CBR4: variants seen among roughly 807,000 people sequenced by gnomAD.
The protein encoded by CBR4 is 3-oxoacyl-[acyl-carrier-protein] reductase.
A neutral mutation model predicts 21.0 loss-of-function variants in CBR4; 22 were observed. The observed-to-expected ratio is 1.05, with a 90% CI of 0.75 to 1.50. The LOEUF is 1.50. CBR4 is among the 40% of genes most tolerant of loss of function. The pLI is 0.00. For synonymous variants in CBR4, 100 were observed against 104.4 expected, an observed-to-expected ratio of 0.96 and a Z score of 0.26; for missense variants, 302 against 286.3, an observed-to-expected ratio of 1.05 and a Z score of -0.40.
At position 169,007,753 on chromosome 4, in the gene CBR4, T is replaced by C. The variant is rs1419740036; in HGVS notation, c.146A>G (p.Asp49Gly). The C allele has an allele frequency of 1.3e-6, 2 of 1,573,528 alleles. No individual in the cohort carries two copies. Among genetic ancestry groups the C allele is most frequent in the African/African-American group, 1.4e-5 (1 of 73,096 alleles). Residue 49 changes from aspartate to glycine, a missense_variant, in exon 2 of 5, where the codon GAT (aspartate) becomes GGT (glycine). Transcript: ENST00000306193. ...AACATCACAGCTAAATGCCAAATGA[T>C]CTCCTACACAACAAAGTTAAATAAG... Reference protein sequence around the residue: ...AKAAAGDLGGDHLAFSCDVAK... With the variant: ...AKAAAGDLGGGHLAFSCDVAK...
chr4:168,919,939 A>T (rs538414985), intron 2 of CBR4, among the ~76,000 whole-genome samples: 7 of 152,122 alleles, frequency 4.6e-5, no homozygotes, highest in Non-Finnish European at 1.0e-4. Flanking sequence ...GTAACTATCC[A>T]CTGGGTAGGT....
At chr4:168,962,237 C>T (rs10518034) in intron 2 of CBR4, among the ~76,000 whole-genome samples, 23,175 of 151,686 alleles carry the variant, frequency 0.15, 1,942 homozygotes, top group African/African-American at 0.22. Flanking sequence ...TTCTTGAAAG[C>T]GAAATATTTT....
chr4:168,968,386 C>T (rs773521169), intron 2 of CBR4, among the ~76,000 whole-genome samples: 17 of 152,180 alleles, frequency 1.1e-4, no homozygotes, highest in Non-Finnish European at 2.5e-4. Context: ...ATCAAGGTCC[C>T]TTTGGACTAT....
intron 2 of CBR4, among the ~76,000 whole-genome samples, chr4:168,909,231 A>G (rs942817677): frequency 3.9e-5 from 6 of 152,176 alleles, no homozygotes; most frequent in Non-Finnish European, 7.4e-5. Flanking sequence ...TTTGTATTGC[A>G]CTTGGATTTT....
intron 2 of CBR4, among the ~76,000 whole-genome samples, chr4:168,918,292 G>A (rs1246484814): frequency 6.6e-6 from 1 of 150,688 alleles, no homozygotes; most frequent in Admixed American, 6.6e-5. Context: ...ATCAGCCTAA[G>A]TGTCAACAGA....
At chr4:168,978,143 C>G (rs896858536) in intron 2 of CBR4, among the ~76,000 whole-genome samples, 4 of 152,196 alleles carry the variant, frequency 2.6e-5, no homozygotes, top group Non-Finnish European at 5.9e-5. Flanking sequence ...TACCCATGTT[C>G]TCCTCCTCTG....
intron 4 of CBR4, among the ~76,000 whole-genome samples, chr4:168,991,387 G>T (rs1764915756): frequency 6.6e-6 from 1 of 152,196 alleles, no homozygotes; most frequent in African/African-American, 2.4e-5. Flanking sequence ...GTAGAAAGTA[G>T]TGTCAAGGGA....
At chr4:169,002,240 G>A (rs575505080) in intron 3 of CBR4, 35 bp from the exon 4 acceptor site, 40 of 1,256,904 alleles carry the variant, frequency 3.2e-5, no homozygotes, top group Middle Eastern at 6.1e-4. Context: ...AAAAAAAAGC[G>A]TATTAAATTC....
Position 168,894,735 on chromosome 4 carries a change from T to C in CBR4, n.200A>G. ...ATTTATTCTGTCCCCCTTTTCCATC[T>C]TCCTTATGGATACTGTTCTTGGGAT... On this transcript the variant is annotated non_coding_transcript_exon_variant, in exon 3 of 4. Coordinates refer to the CBR4 transcript ENST00000509108. The C allele has an allele frequency of 4.4e-6, 7 of 1,580,202 alleles. No individual in the cohort carries two copies. The Admixed American group carries it at 5.4e-5, about 12-fold the overall frequency.
chr4:168,951,881 G>A (rs965921303), intron 2 of CBR4, among the ~76,000 whole-genome samples: 2 of 152,180 alleles, frequency 1.3e-5, no homozygotes, highest in African/African-American at 2.4e-5. Flanking sequence ...ATAACCTGAT[G>A]ACAATGTGCC....
At chr4:168,969,784 G>A (rs1306260922) in intron 2 of CBR4, among the ~76,000 whole-genome samples, 1 of 152,130 alleles carries the variant, frequency 6.6e-6, no homozygotes, top group African/African-American at 2.4e-5. Context: ...ACAGACCAGT[G>A]GAATCAGCAT....
intron 2 of CBR4, among the ~76,000 whole-genome samples, chr4:168,902,789 C>CT (rs1756820246): frequency 6.6e-6 from 1 of 152,080 alleles, no homozygotes; most frequent in Non-Finnish European, 1.5e-5. Flanking sequence ...TACATTGTTT[C>CT]TTTTGAGACA....
In CBR4 at chr4:168,990,346, G is replaced by T. The variant is rs746228865; in HGVS notation, c.536-18C>A. Reference sequence around the variant, plus strand: ...TACAAATCCTAAAAGAGAAATGTTTGTTTAGTTGAAAAGGGTACACACTAA... The same window carrying T: ...TACAAATCCTAAAAGAGAAATGTTTTTTTAGTTGAAAAGGGTACACACTAA... On this transcript the variant is annotated intron_variant, in intron 4 of 4. Coordinates refer to ENST00000306193, the MANE Select transcript of CBR4 (RefSeq NM_032783.5). 2.6e-6 allele frequency: 4 copies of T among 1,562,316 alleles called. No individual in the cohort carries two copies. Among genetic ancestry groups the T allele is most frequent in the Non-Finnish European group, 3.5e-6 (4 of 1,152,460 alleles).
intron 2 of CBR4, among the ~76,000 whole-genome samples, chr4:168,963,019 T>G (rs1300545859): frequency 2.6e-5 from 4 of 152,190 alleles, no homozygotes; most frequent in Non-Finnish European, 5.9e-5. Flanking sequence ...TTTTGAGCAT[T>G]AGGAACCTAT....
At chr4:168,954,658 T>C (rs1312025908) in intron 2 of CBR4, among the ~76,000 whole-genome samples, 1 of 152,218 alleles carries the variant, frequency 6.6e-6, no homozygotes, top group Non-Finnish European at 1.5e-5. Context: ...CTCAAATATT[T>C]TGTCTCCCAA....
intron 2 of CBR4, among the ~76,000 whole-genome samples, chr4:168,907,531 C>T (rs2151346337): frequency 6.6e-6 from 1 of 152,310 alleles, no homozygotes; most frequent in South Asian, 2.1e-4. Context: ...AGGACGGCCA[C>T]ACCCATAGCA....
chr4:168,899,049 G>T (rs1187285691), intron 2 of CBR4, among the ~76,000 whole-genome samples: 1 of 152,110 alleles, frequency 6.6e-6, no homozygotes, highest in South Asian at 2.1e-4. Context: ...CAGAGAGCTG[G>T]TGAGTGGCCA....
At chr4:169,009,043 T>C in intron 1 of CBR4, 1 of 389,974 alleles carries the variant, frequency 2.6e-6, no homozygotes, top group Non-Finnish European at 4.9e-6. Context: ...ACGGGCAACA[T>C]AATGGGAAGC....
At chr4:168,924,637 A>AT (rs1762225433) in intron 2 of CBR4, among the ~76,000 whole-genome samples, 1 of 152,190 alleles carries the variant, frequency 6.6e-6, no homozygotes, top group South Asian at 2.1e-4. Flanking sequence ...TGATTTCTTA[A>AT]AAGTGTTTAT....
Sources: allele counts gnomAD v4.1 joint callset (sites outside exome capture counted in the v4.1 genomes callset), GRCh38; gene constraint gnomAD v4.1.1; transcripts MANE v1.5; gene names NCBI Gene and HGNC (gene_info 2026-07-23, HGNC 2026-07-21).